The following MKNK1 variants were observed in gnomAD, a reference collection of about 807,000 sequenced individuals.
MKNK1 encodes the protein MAP kinase-interacting serine/threonine-protein kinase 1.
Under a neutral mutation model 49.3 loss-of-function variants are expected in MKNK1, and 30 were observed. The ratio of observed to expected loss-of-function variants is 0.61; its 90% CI spans 0.46 to 0.83. The LOEUF (loss-of-function observed/expected upper bound fraction) is 0.83, where lower values mean the gene tolerates loss of function less well. MKNK1 is among the 40% of genes least tolerant of loss of function. The probability of loss-of-function intolerance (pLI) is 0.00; values close to 1 mark genes in which losing one functional copy is unlikely to be tolerated. For missense variants in MKNK1, 423 were observed against 524.7 expected (o/e 0.81, Z 1.89); for synonymous variants, 176 against 201.7 (o/e 0.87, Z 1.08).
intron 2 of MKNK1, among the ~76,000 whole-genome samples, chr1:46,588,456 G>A (rs1294105772): frequency 6.6e-6 from 1 of 152,236 alleles, no homozygotes; most frequent in African/African-American, 2.4e-5. Flanking sequence ...TTGGTGCCAT[G>A]AAGATACTAA....
intron 4 of MKNK1, among the ~76,000 whole-genome samples, chr1:46,578,919 A>G (rs1223008041): frequency 2.0e-5 from 3 of 151,686 alleles, no homozygotes. Flanking sequence ...CACCCGGCTA[A>G]TATTTTTGTA....
rs1672027041 is a variant in MKNK1 at position 46,583,336 on chromosome 1, G to C, written c.-2-7C>G. 2 of 1,598,286 alleles carry C rather than the reference G, an allele frequency of 1.3e-6. No individual in the cohort carries two copies. Among genetic ancestry groups the C allele is most frequent in the African/African-American group, 2.7e-5 (2 of 74,558 alleles). On this transcript the variant is annotated splice_polypyrimidine_tract_variant and splice_region_variant and intron_variant, in intron 2 of 12. Transcript: ENST00000371945. ...GGTTCGCTACTGCCCATCTCTAGGA[G>C]ATAAGAGGAGATGTAAGGGAAACAT...
chr1:46,590,810 A>G (rs143000974), intron 2 of MKNK1, among the ~76,000 whole-genome samples: 109 of 152,354 alleles, frequency 7.2e-4, no homozygotes, highest in Admixed American at 1.4e-3. Flanking sequence ...GAACAGTATC[A>G]TTTTCAGCGT....
At chr1:46,576,031 T>C in intron 5 of MKNK1, 1 of 153,210 alleles carries the variant, frequency 6.5e-6, no homozygotes, top group East Asian at 1.9e-4. Flanking sequence ...GAGGTGCCCC[T>C]GATTTAAAGC....
At chr1:46,591,819 G>A (rs1000001941) in intron 2 of MKNK1, among the ~76,000 whole-genome samples, 1 of 152,156 alleles carries the variant, frequency 6.6e-6, no homozygotes, top group Non-Finnish European at 1.5e-5. Context: ...TTGGTTTGCC[G>A]CAGAAGTACT....
chr1:46,591,492 G>T (rs566022089), intron 2 of MKNK1, among the ~76,000 whole-genome samples: 60 of 152,246 alleles, frequency 3.9e-4, no homozygotes, highest in African/African-American at 1.2e-3. Flanking sequence ...GCATCTCCTG[G>T]TGGAAGGAAC....
At chr1:46,588,063 A>C (rs916251332) in intron 2 of MKNK1, among the ~76,000 whole-genome samples, 2 of 152,226 alleles carry the variant, frequency 1.3e-5, no homozygotes, top group Non-Finnish European at 2.9e-5. Context: ...ATTTCAGGTA[A>C]GGAAAGAAGC....
At chr1:46,562,575 A>T (rs1421517415) in intron 10 of MKNK1, 74 bp downstream of exon 10, 16 of 1,471,316 alleles carry the variant, frequency 1.1e-5, no homozygotes, top group African/African-American at 1.4e-5. Context: ...CTCCCAGCCC[A>T]GTCCTGCTTG....
At chr1:46,559,709 A>T in intron 12 of MKNK1, 1 of 164,464 alleles carries the variant, frequency 6.1e-6, no homozygotes, top group Non-Finnish European at 1.3e-5. Context: ...CAGTGGCGTG[A>T]TCGCAGCTCA....
intron 3 of MKNK1, chr1:46,582,995 C>T (rs996227570): frequency 1.2e-5 from 8 of 663,502 alleles, no homozygotes; most frequent in African/African-American, 1.1e-4. Flanking sequence ...GGAAGCAGTA[C>T]CTGAGCCATT....
At chr1:46,560,079 C>T (rs532699476) in intron 12 of MKNK1, among the ~76,000 whole-genome samples, 155 bp downstream of exon 12, 171 of 152,150 alleles carry the variant, frequency 1.1e-3, no homozygotes, top group Non-Finnish European at 1.8e-3. Context: ...GAGATAGATC[C>T]AGAGTAGAGG....
At chr1:46,564,225 C>T (rs1005065883) in intron 9 of MKNK1, among the ~76,000 whole-genome samples, 12 of 151,812 alleles carry the variant, frequency 7.9e-5, no homozygotes, top group African/African-American at 2.7e-4. Context: ...CTAACTTGGC[C>T]AAGCGATCCC....
intron 4 of MKNK1, 83 bp downstream of exon 4, chr1:46,580,447 G>C (rs1169928260): frequency 1.0e-6 from 1 of 965,732 alleles, no homozygotes; most frequent in Non-Finnish European, 1.7e-6. Context: ...CCATTCTTAT[G>C]GAATATAACA....
chr1:46,583,718 GA>G (rs764332277), intron 2 of MKNK1, among the ~76,000 whole-genome samples: 10 of 152,152 alleles, frequency 6.6e-5, no homozygotes, highest in Non-Finnish European at 1.2e-4. Flanking sequence ...AGGCAAAACC[GA>G]GAGAGCTAGG....
intron 3 of MKNK1, among the ~76,000 whole-genome samples, chr1:46,581,744 GA>G (rs1671782996): frequency 6.6e-6 from 1 of 152,118 alleles, no homozygotes; most frequent in Non-Finnish European, 1.5e-5. Flanking sequence ...TCACCCACAG[GA>G]AATAGAAGTA....
chr1:46,588,205 T>C (rs1208280490), intron 2 of MKNK1, among the ~76,000 whole-genome samples: 1 of 152,236 alleles, frequency 6.6e-6, no homozygotes, highest in Non-Finnish European at 1.5e-5. Flanking sequence ...GTTTTCTCTA[T>C]GTGATGGGGT....
At chr1:46,582,520 C>T (rs570134038) in intron 3 of MKNK1, among the ~76,000 whole-genome samples, 13 of 152,262 alleles carry the variant, frequency 8.5e-5, no homozygotes, top group African/African-American at 2.6e-4. Context: ...GACCAAGAGG[C>T]GAAGCTACTT....
chr1:46,577,701 C>T (rs2148670875), intron 4 of MKNK1, among the ~76,000 whole-genome samples: 1 of 152,266 alleles, frequency 6.6e-6, no homozygotes, highest in Non-Finnish European at 1.5e-5. Context: ...TGCTCCCCCT[C>T]CACACTTTTA....
intron 12 of MKNK1, among the ~76,000 whole-genome samples, chr1:46,559,351 C>T (rs1030810761): frequency 3.3e-5 from 5 of 152,228 alleles, no homozygotes; most frequent in East Asian, 1.9e-4. Context: ...CTGGGTCACA[C>T]GAATTGCGAT....
Sources: allele counts gnomAD v4.1 joint callset (sites outside exome capture counted in the v4.1 genomes callset), GRCh38; gene constraint gnomAD v4.1.1; transcripts MANE v1.5; gene names NCBI Gene and HGNC (gene_info 2026-07-23, HGNC 2026-07-21).